ZNF385B: variants seen among roughly 807,000 people sequenced by gnomAD.
ZNF385B encodes the protein zinc finger protein 533.
ZNF385B carries 23 observed loss-of-function variants against 39.2 expected under a neutral mutation model. The observed-to-expected ratio is 0.59, with a 90% CI of 0.42 to 0.83. ZNF385B has a LOEUF of 0.83. Among genes scored for constraint, ZNF385B ranks in the 40% least tolerant of loss-of-function variants. The pLI is 0.00. For missense variants in ZNF385B, 552 were observed against 598.9 expected, an observed-to-expected ratio of 0.92 and a Z score of 0.82; for synonymous variants, 205 against 222.6, an observed-to-expected ratio of 0.92 and a Z score of 0.70.
chr2:179,733,731 C>G (rs1448068739), intron 3 of ZNF385B, among the ~76,000 whole-genome samples: 1 of 142,802 alleles, frequency 7.0e-6, no homozygotes, highest in Admixed American at 7.3e-5. Context: ...TGCAGTAAGC[C>G]GAGGTTGTGC....
At chr2:179,796,307 G>T (rs1705661371) in intron 1 of ZNF385B, 1 of 152,058 alleles carries the variant, frequency 6.6e-6, no homozygotes, top group African/African-American at 2.4e-5. Context: ...CAAGATGAGG[G>T]AGCTATCCCC....
In ZNF385B at chr2:179,682,578, C is replaced by T. The variant is rs562024999; in HGVS notation, c.298+86925G>A. ...ACAAATTTATGTAACAGAATTTAGA[C>T]TGATTATGGCACAGGCCTGTGTAAT... On this transcript the variant is annotated intron_variant, in intron 3 of 9. Coordinates refer to ENST00000410066, the MANE Select transcript of ZNF385B (RefSeq NM_152520.6). Among the ~76,000 whole-genome samples the T allele has an allele frequency of 3.3e-5, 5 of 152,280 alleles. No individual in the cohort carries two copies. In the South Asian group the frequency reaches 8.3e-4, roughly 25 times the overall value.
chr2:179,751,872 T>G (rs910837058), intron 3 of ZNF385B, among the ~76,000 whole-genome samples: 1 of 152,184 alleles, frequency 6.6e-6, no homozygotes, highest in Non-Finnish European at 1.5e-5. Flanking sequence ...ATGTCCTGAC[T>G]TTAAAATCTA....
intron 3 of ZNF385B, among the ~76,000 whole-genome samples, chr2:179,763,358 T>A (rs910342606): frequency 1.4e-4 from 22 of 152,222 alleles, no homozygotes; most frequent in African/African-American, 4.6e-4. Context: ...ATATCATGTA[T>A]CTCATTGGTA....
intron 1 of ZNF385B, among the ~76,000 whole-genome samples, chr2:179,843,525 C>T (rs2106618450): frequency 6.6e-6 from 1 of 152,352 alleles, no homozygotes. Context: ...ATACTTGTGA[C>T]ATAGGTATAT....
intron 5 of ZNF385B, among the ~76,000 whole-genome samples, chr2:179,487,719 T>C (rs765247046): frequency 1.3e-5 from 2 of 152,220 alleles, no homozygotes; most frequent in Non-Finnish European, 2.9e-5. Flanking sequence ...CTAGCAGTAA[T>C]GGCTTGCATT....
At chr2:179,583,012 G>T (rs1159610455) in intron 3 of ZNF385B, among the ~76,000 whole-genome samples, 1 of 152,132 alleles carries the variant, frequency 6.6e-6, no homozygotes, top group Non-Finnish European at 1.5e-5. Context: ...ATCTCGCCTG[G>T]CTAATTTTGC....
At chr2:179,573,676 T>G (rs112727532) in intron 3 of ZNF385B, among the ~76,000 whole-genome samples, 5,575 of 152,020 alleles carry the variant, frequency 0.037, 181 homozygotes, top group African/African-American at 0.086. Flanking sequence ...TTTTTGAAGT[T>G]AAAAAAATAG....
intron 3 of ZNF385B, among the ~76,000 whole-genome samples, chr2:179,759,183 T>C (rs1341051859): frequency 2.0e-5 from 3 of 152,184 alleles, no homozygotes; most frequent in Non-Finnish European, 1.5e-5. Flanking sequence ...ACTAGCTATA[T>C]TAGTTCTACA....
intron 5 of ZNF385B, among the ~76,000 whole-genome samples, chr2:179,497,726 A>G (rs1472636168): frequency 6.6e-6 from 1 of 152,068 alleles, no homozygotes; most frequent in Non-Finnish European, 1.5e-5. Context: ...CTTATCAATA[A>G]CATTGAATGT....
At chr2:179,624,387 A>T (rs1183870736) in intron 3 of ZNF385B, among the ~76,000 whole-genome samples, 1 of 152,164 alleles carries the variant, frequency 6.6e-6, no homozygotes, top group Non-Finnish European at 1.5e-5. Flanking sequence ...CTACCTCTGC[A>T]CAAAGTAGAC....
chr2:179,713,214 AT>A (rs1157062611), intron 3 of ZNF385B, among the ~76,000 whole-genome samples: 1 of 152,232 alleles, frequency 6.6e-6, no homozygotes, highest in Non-Finnish European at 1.5e-5. Flanking sequence ...ATGCAACCTC[AT>A]CCTAAATCAA....
chr2:179,495,625 A>G (rs749624135), intron 5 of ZNF385B, among the ~76,000 whole-genome samples: 17 of 152,270 alleles, frequency 1.1e-4, no homozygotes, highest in Non-Finnish European at 1.9e-4. Flanking sequence ...GGTGCTTGTC[A>G]TGCTACCCCC....
At chr2:179,708,234 C>T (rs1315911961) in intron 3 of ZNF385B, among the ~76,000 whole-genome samples, 1 of 152,196 alleles carries the variant, frequency 6.6e-6, no homozygotes, top group African/African-American at 2.4e-5. Flanking sequence ...TGGTTTCCCC[C>T]ACGCTGTTCT....
At chr2:179,557,302 T>C (rs2060971284) in intron 3 of ZNF385B, among the ~76,000 whole-genome samples, 1 of 149,402 alleles carries the variant, frequency 6.7e-6, no homozygotes, top group Admixed American at 6.7e-5. Flanking sequence ...CAATTTTGAC[T>C]GACATTTTAA....
intron 3 of ZNF385B, among the ~76,000 whole-genome samples, chr2:179,676,629 G>A (rs1395147158): frequency 6.6e-6 from 1 of 152,218 alleles, no homozygotes; most frequent in Non-Finnish European, 1.5e-5. Flanking sequence ...AGGCCCACAG[G>A]GAGCTGTTGC....
chr2:179,740,689 G>A (rs1354321781), intron 3 of ZNF385B, among the ~76,000 whole-genome samples: 1 of 152,060 alleles, frequency 6.6e-6, no homozygotes, highest in Non-Finnish European at 1.5e-5. Context: ...GCCAACATGG[G>A]GACGGGAGTA....
chr2:179,769,844 T>C, intron 2 of ZNF385B, 42 bp from the exon 3 acceptor site: 1 of 1,510,146 alleles, frequency 6.6e-7, no homozygotes, highest in South Asian at 1.3e-5. Context: ...AAATGATATA[T>C]GCCTTATTTT....
intron 5 of ZNF385B, among the ~76,000 whole-genome samples, chr2:179,500,037 C>A (rs145415924): frequency 2.0e-5 from 3 of 151,816 alleles, no homozygotes; most frequent in African/African-American, 7.2e-5. Flanking sequence ...ATCCCATTTA[C>A]AATAGCCACA....
Sources: gnomAD v4.1 joint callset for allele counts (sites outside exome capture counted in the v4.1 genomes callset) on GRCh38, gnomAD v4.1.1 for gene constraint, MANE v1.5 for transcripts, NCBI Gene and HGNC (gene_info 2026-07-23, HGNC 2026-07-21) for gene names.